MCF2L: variants seen among roughly 807,000 people sequenced by gnomAD.
MCF2L encodes guanine nucleotide exchange factor DBS.
A neutral mutation model predicts 153.4 loss-of-function variants in MCF2L; 97 were observed. The ratio of observed to expected loss-of-function variants is 0.63; its 90% confidence interval spans 0.54 to 0.75. The LOEUF is 0.75. Among genes scored for constraint, MCF2L ranks in the 30% least tolerant of loss-of-function variants. The pLI is 0.00. For synonymous variants in MCF2L, 659 were observed against 632.2 expected, an observed-to-expected ratio of 1.04 and a Z score of -0.64; for missense variants, 1,347 against 1,495.2, an observed-to-expected ratio of 0.90 and a Z score of 1.64.
At position 112,904,692 on chromosome 13, in the gene MCF2L, T is replaced by C. The variant is rs2081154377; in HGVS notation, c.169+2321T>C. Among the ~76,000 whole-genome samples the C allele has an allele frequency of 1.3e-5, 2 of 152,254 alleles. No individual in the cohort carries two copies. The highest frequency in any genetic ancestry group is 4.1e-4 in the South Asian group (2 of 4,834). On this transcript the variant is annotated intron_variant, in intron 2 of 29. Coordinates refer to the MCF2L transcript ENST00000375608. The surrounding 1 kb of genome is among the most constrained non-coding windows in gnomAD (Gnocchi z 4.2). ...AGAGTTCTGAGCGGTGAAGCCCTTC[T>C]GGCTGTCCTTGCCTCGTCTGCTCTG...
intron 20 of MCF2L, among the ~76,000 whole-genome samples, chr13:113,085,503 G>A (rs576995635): frequency 3.5e-4 from 53 of 152,316 alleles, no homozygotes; most frequent in Middle Eastern, 3.4e-3. Flanking sequence ...GACGTGGGGC[G>A]GCCTAGACTG....
chr13:112,994,794 G>A (rs575683071), intron 1 of MCF2L, among the ~76,000 whole-genome samples: 10 of 152,324 alleles, frequency 6.6e-5, no homozygotes, highest in African/African-American at 1.9e-4. Flanking sequence ...TACACAGGTC[G>A]GGTAGAGTGA....
At chr13:113,033,283 T>C (rs80098004) in intron 3 of MCF2L, among the ~76,000 whole-genome samples, 601 of 17,494 alleles carry the variant, frequency 0.034, 12 homozygotes, top group East Asian at 0.079. Flanking sequence ...GAGTGGCCCC[T>C]GTGACATTAG....
chr13:112,959,770 G>A (rs1005290738), intron 2 of MCF2L, among the ~76,000 whole-genome samples: 3 of 152,328 alleles, frequency 2.0e-5, no homozygotes, highest in Admixed American at 6.5e-5. Flanking sequence ...ACACACCCAC[G>A]ACAACCAAGC....
At chr13:113,026,299 T>G (rs1566759406) in intron 3 of MCF2L, among the ~76,000 whole-genome samples, 1 of 152,184 alleles carries the variant, frequency 6.6e-6, no homozygotes, top group Non-Finnish European at 1.5e-5. Context: ...TCCCCGTGAC[T>G]GCAGGATGAA....
Position 113,031,569 on chromosome 13 carries a change from AGGGTGGAGGGAGAATGCG to A in MCF2L, c.278+6824_278+6841del, listed in dbSNP as rs529513611. ...AAGAGTTCATGAGCTGCCAGAATGC[AGGGTGGAGGGAGAATGCG>A]GGGTGGAGGGAGGAGCTGGGAGATG... On this transcript the variant is annotated intron_variant, in intron 3 of 29. Transcript: ENST00000535094. The surrounding 1 kb of genome is among the most constrained non-coding windows in gnomAD (Gnocchi z 5.5). 2.0e-5 allele frequency among the ~76,000 whole-genome samples: 3 copies of A among 151,004 alleles called. No individual in the cohort carries two copies. The highest frequency in any genetic ancestry group is 3.0e-5 in the Non-Finnish European group (2 of 67,796).
chr13:112,976,561 G>A (rs752230512), intron 1 of MCF2L, among the ~76,000 whole-genome samples: 12 of 152,198 alleles, frequency 7.9e-5, no homozygotes, highest in South Asian at 2.1e-4. Flanking sequence ...AGGCTGTGGC[G>A]GACGGCAGTG....
chr13:112,955,136 A>G lies in MCF2L; in HGVS notation c.169+52765A>G, dbSNP rs983486623. ...GACCCGAGGGAAAGCTGCCTGAGGC[A>G]GCAGGAGAGGAGTGAGGGGCTTCAT... On this transcript the variant is annotated intron_variant, in intron 2 of 29. Coordinates refer to the MCF2L transcript ENST00000375608. Among the ~76,000 whole-genome samples the G allele has an allele frequency of 2.4e-4, 36 of 152,194 alleles. 1 individual carries two copies. The highest frequency in any genetic ancestry group is 1.5e-5 in the Non-Finnish European group (1 of 68,020).
chr13:113,016,692 G>A (rs986832823), intron 2 of MCF2L, among the ~76,000 whole-genome samples: 3 of 150,630 alleles, frequency 2.0e-5, no homozygotes, highest in East Asian at 3.9e-4. Context: ...CCTGCCTCCC[G>A]CCAACCTCGG....
At chr13:112,946,979 G>A (rs906317220) in intron 2 of MCF2L, among the ~76,000 whole-genome samples, 5 of 152,168 alleles carry the variant, frequency 3.3e-5, no homozygotes, top group African/African-American at 9.7e-5. Context: ...TTTTGGTCTC[G>A]TGCGTCCTAA....
At chr13:112,968,776 C>G, upstream of MCF2L, 1 of 1,349,778 alleles carries the variant, frequency 7.4e-7, no homozygotes, top group South Asian at 1.8e-5. Context: ...TCGGTCCACT[C>G]GCGGCTTCGC....
chr13:112,962,017 G>C (rs911205572), intron 2 of MCF2L, among the ~76,000 whole-genome samples: 1 of 150,364 alleles, frequency 6.7e-6, no homozygotes, highest in African/African-American at 2.5e-5. Flanking sequence ...GCTTACACAT[G>C]GGCTCACACC....
At chr13:113,051,033 G>C (rs193247912) in intron 4 of MCF2L, among the ~76,000 whole-genome samples, 131 of 152,242 alleles carry the variant, frequency 8.6e-4, no homozygotes, top group African/African-American at 3.0e-3. Flanking sequence ...CGGGGGTGGG[G>C]GACCCAGCTC....
chr13:113,045,471 A>T lies in MCF2L; in HGVS notation c.369+110A>T, dbSNP rs1305921302. On this transcript the variant is annotated intron_variant, in intron 4 of 29. Transcript: ENST00000535094. This position sits in a 1 kb window ranked among gnomAD's most constrained non-coding sequence, Gnocchi z 4.2. Reference sequence around the variant, plus strand: ...CAGTTCCTGCTTTGTGCTGAGTGGGACAGAGCCCAGTCCCGGCGGGTGGAG... The same window carrying T: ...CAGTTCCTGCTTTGTGCTGAGTGGGTCAGAGCCCAGTCCCGGCGGGTGGAG... The T allele has an allele frequency of 4.0e-6, 4 of 1,000,854 alleles. No individual in the cohort carries two copies. Among genetic ancestry groups the T allele is most frequent in the Admixed American group, 2.0e-5 (1 of 50,352 alleles). 62.0% of individuals were successfully genotyped at this position (1,000,854 alleles called of 1,614,324 possible).
intron 1 of MCF2L, among the ~76,000 whole-genome samples, chr13:112,997,078 C>T (rs979675449): frequency 9.2e-5 from 14 of 152,230 alleles, no homozygotes; most frequent in Admixed American, 9.2e-4. Flanking sequence ...GGCTGCTTCC[C>T]GTGAACGGAG....
In MCF2L at chr13:112,993,167, G is replaced by A. The variant is rs1285222289; in HGVS notation, c.80-21596G>A. On this transcript the variant is annotated intron_variant, in intron 1 of 29. Transcript: ENST00000535094. The surrounding 1 kb of genome is among the most constrained non-coding windows in gnomAD (Gnocchi z 4.6). ...CGGGGCATGGGGAGGCCACAGAGAG[G>A]CTGTACTGACAGAGGCTGGGGGAGG... Among the ~76,000 whole-genome samples, 1 of 152,360 alleles carries A rather than the reference G, an allele frequency of 6.6e-6. No individual in the cohort carries two copies. Among genetic ancestry groups the A allele is most frequent in the South Asian group, 2.1e-4 (1 of 4,832 alleles).
At position 113,086,287 on chromosome 13, in the gene MCF2L, C is replaced by T. The variant is rs753479014; in HGVS notation, c.2373+38C>T. 10 of 1,603,766 alleles carry T rather than the reference C, an allele frequency of 6.2e-6. No individual in the cohort carries two copies. In the African/African-American group the frequency reaches 6.7e-5, roughly 11 times the overall value. On this transcript the variant is annotated intron_variant, in intron 21 of 29. Coordinates refer to ENST00000535094, the MANE Select transcript of MCF2L (RefSeq NM_001112732.3). ...GATGCCCGGTCTTCCCCGCCGCCTC[C>T]GTGGAATACACCAGCCCAGCAACTT...
chr13:112,978,166 G>A (rs956449898), intron 1 of MCF2L, among the ~76,000 whole-genome samples: 1 of 152,240 alleles, frequency 6.6e-6, no homozygotes, highest in Non-Finnish European at 1.5e-5. Flanking sequence ...TGTGAGTCAG[G>A]TTAGGGCTGA....
At chr13:113,082,599 C>G (rs1301742092) in intron 17 of MCF2L, 57 bp downstream of exon 17, 7 of 1,304,792 alleles carry the variant, frequency 5.4e-6, no homozygotes, top group South Asian at 1.2e-5. Flanking sequence ...GCTAATGGTG[C>G]TGGCTTCAGG....
Sources: allele counts gnomAD v4.1 joint callset (sites outside exome capture counted in the v4.1 genomes callset), GRCh38; gene constraint gnomAD v4.1.1; non-coding constraint Gnocchi (gnomAD v3.1); transcripts MANE v1.5; gene names NCBI Gene and HGNC (gene_info 2026-07-23, HGNC 2026-07-21).